Variants in PTTG1 observed in about 807,000 individuals in gnomAD.
PTTG1 encodes PTTG1 regulator of sister chromatid separation, securin.
Under a neutral mutation model 20.0 loss-of-function variants are expected in PTTG1, and 8 were observed. The ratio of observed to expected loss-of-function variants is 0.40; its 90% CI spans 0.23 to 0.72. PTTG1 has a LOEUF of 0.72. Ranked by LOEUF, PTTG1 falls within the 30% of genes least tolerant of loss-of-function variation. The pLI is 0.38. For synonymous variants in PTTG1, 79 were observed against 87.2 expected, an observed-to-expected ratio of 0.91 and a Z score of 0.52; for missense variants, 197 against 236.0, an observed-to-expected ratio of 0.83 and a Z score of 1.08.
chr5:160,421,990 T>G (rs928355266), intron 1 of PTTG1, 99 bp downstream of exon 1: 5 of 192,226 alleles, frequency 2.6e-5, no homozygotes, highest in Non-Finnish European at 5.4e-5. Flanking sequence ...GGGGCTGGGG[T>G]TGGGGGACTG....
At chr5:160,424,407 GA>G in intron 4 of PTTG1, 77 bp downstream of exon 4, 1 of 1,082,834 alleles carries the variant, frequency 9.2e-7, no homozygotes, top group African/African-American at 1.6e-5. Flanking sequence ...AACTTGTTAT[GA>G]ATATAATATA....
At chr5:160,424,090 CATATT>C (rs1765766134) in intron 3 of PTTG1, 142 bp from the exon 4 acceptor site, 1 of 576,944 alleles carries the variant, frequency 1.7e-6, no homozygotes, top group African/African-American at 1.9e-5. Flanking sequence ...ACATTTGAAT[CATATT>C]ATTTGAAGTA....
At chr5:160,422,476 G>T in intron 2 of PTTG1, 73 bp downstream of exon 2, 2 of 1,363,238 alleles carry the variant, frequency 1.5e-6, no homozygotes, top group South Asian at 1.2e-5. Context: ...GACATTTAGT[G>T]TACTTTTTGG....
In PTTG1 at chr5:160,427,835, C is replaced by G; in HGVS notation, c.491C>G (p.Pro164Arg). Reference sequence around the variant, plus strand: ...GAAAAGCTGTTTCAGCTGGGCCCCCCTTCACCTGTGAAGATGCCCTCTCCA... The same window carrying G: ...GAAAAGCTGTTTCAGCTGGGCCCCCGTTCACCTGTGAAGATGCCCTCTCCA... ...ELEKLFQLGP[P>R]SPVKMPSPPW... Residue 164 changes from proline (P) to arginine (R), a missense_variant, in exon 5 of 6, where the codon CCT becomes CGT. Transcript: ENST00000352433. 1 of 1,614,170 alleles carries G rather than the reference C, an allele frequency of 6.2e-7. No individual in the cohort carries two copies. The highest frequency in any genetic ancestry group is 8.5e-7 in the Non-Finnish European group (1 of 1,180,014).
intron 4 of PTTG1, among the ~76,000 whole-genome samples, chr5:160,426,441 C>T (rs561415070): frequency 1.3e-5 from 2 of 152,254 alleles, no homozygotes; most frequent in African/African-American, 4.8e-5. Flanking sequence ...TTTTTTGCCA[C>T]TACACTAAAA....
At chr5:160,425,288 A>G (rs1049762370) in intron 4 of PTTG1, among the ~76,000 whole-genome samples, 1 of 152,224 alleles carries the variant, frequency 6.6e-6, no homozygotes, top group African/African-American at 2.4e-5. Context: ...AGGATTGCTG[A>G]GTTCAAGGGC....
intron 5 of PTTG1, among the ~76,000 whole-genome samples, chr5:160,428,339 A>G (rs917608446): frequency 1.1e-4 from 17 of 152,200 alleles, no homozygotes; most frequent in African/African-American, 3.9e-4. Context: ...ATTTGTCCTA[A>G]TAAGTTACAT....
intron 5 of PTTG1, among the ~76,000 whole-genome samples, chr5:160,428,191 C>T (rs1765845100): frequency 6.6e-6 from 1 of 152,022 alleles, no homozygotes; most frequent in South Asian, 2.1e-4. Context: ...ATGTTATATC[C>T]AAAGCTAATA....
intron 5 of PTTG1, 110 bp downstream of exon 5, chr5:160,427,983 C>T (rs368358512): frequency 3.0e-6 from 4 of 1,324,708 alleles, no homozygotes; most frequent in Non-Finnish European, 2.1e-6. Flanking sequence ...AATTTCTGTC[C>T]TTCAAATGAC....
In PTTG1 at chr5:160,421,900, A is replaced by G. The variant is rs1055942003; in HGVS notation, c.-12+9A>G. 22 of 180,052 alleles carry G rather than the reference A, an allele frequency of 1.2e-4. No individual in the cohort carries two copies. Among genetic ancestry groups the G allele is most frequent in the Non-Finnish European group, 2.0e-4 (17 of 83,634 alleles). 11.2% of individuals were successfully genotyped at this position (180,052 alleles called of 1,614,324 possible). A position where few individuals can be genotyped will look rare whatever the true frequency, so the allele number is the denominator to read the frequency against. On this transcript the variant is annotated intron_variant, in intron 1 of 5. Coordinates refer to ENST00000352433, the MANE Select transcript of PTTG1 (RefSeq NM_004219.4). ...CGGCTGTTAAGACCTGCGTGAGTGA[A>G]TGGGAGGGTCGCGGGTGGTTAGTTG...
intron 4 of PTTG1, among the ~76,000 whole-genome samples, chr5:160,426,599 A>T (rs1765813089): frequency 6.6e-6 from 1 of 152,228 alleles, no homozygotes; most frequent in Admixed American, 6.5e-5. Flanking sequence ...TGCATTGACC[A>T]TTCAGAAATA....
chr5:160,424,406 T>A, intron 4 of PTTG1, 76 bp downstream of exon 4: 1 of 1,090,888 alleles, frequency 9.2e-7, no homozygotes, highest in East Asian at 2.4e-5. Context: ...TAACTTGTTA[T>A]GAATATAATA....
intron 3 of PTTG1, 38 bp from the exon 4 acceptor site, chr5:160,424,199 C>T: frequency 6.9e-7 from 1 of 1,443,950 alleles, no homozygotes; most frequent in East Asian, 2.3e-5. Context: ...AATAAGACTT[C>T]CACTGTCACT....
At chr5:160,424,891 G>C (rs1765779221) in intron 4 of PTTG1, 2 of 152,240 alleles carry the variant, frequency 1.3e-5, no homozygotes, top group African/African-American at 4.8e-5. Context: ...AACAAGATGG[G>C]CCCTGCCTAT....
Position 160,428,582 on chromosome 5 carries a change from AAG to A in PTTG1, c.530-16_530-15del, listed in dbSNP as rs781221897. ...CTCAAGGATTTGCAGAAATTTTAAT[AAG>A]AGATTCCTGTTTTCTAGATCTGTTG... On this transcript the variant is annotated intron_variant, in intron 5 of 5. Coordinates refer to ENST00000352433, the MANE Select transcript of PTTG1 (RefSeq NM_004219.4). 5.0e-6 allele frequency: 8 copies of A among 1,607,500 alleles called. No individual in the cohort carries two copies. The East Asian group carries it at 1.6e-4, about 31-fold the overall frequency.
At chr5:160,427,643 T>A in intron 4 of PTTG1, 72 bp from the exon 5 acceptor site, 1 of 1,522,714 alleles carries the variant, frequency 6.6e-7, no homozygotes, top group African/African-American at 1.4e-5. Context: ...TCAAAGGGTC[T>A]CAGACCACAA....
At chr5:160,427,035 C>T (rs1290939572) in intron 4 of PTTG1, among the ~76,000 whole-genome samples, 2 of 150,988 alleles carry the variant, frequency 1.3e-5, no homozygotes, top group Admixed American at 1.3e-4. Context: ...GAGTGAGACT[C>T]TGTCTCAAAA....
chr5:160,427,574 A>G lies in PTTG1; in HGVS notation c.371-141A>G, dbSNP rs575104224. 6 of 953,672 alleles carry G rather than the reference A, an allele frequency of 6.3e-6. No individual in the cohort carries two copies. The East Asian group carries it at 7.9e-5, about 12-fold the overall frequency. The allele number at this position is 953,672 out of a possible 1,614,324, so 59.1% of individuals were successfully genotyped here. A position where few individuals can be genotyped will look rare whatever the true frequency, so the allele number is the denominator to read the frequency against. On this transcript the variant is annotated intron_variant, in intron 4 of 5. Coordinates refer to ENST00000352433, the MANE Select transcript of PTTG1 (RefSeq NM_004219.4). ...CTTGGTACCATCATTACAAATGTCAACCCAGTGGAAAAAGGTGTGAATATT... is the reference window on the plus strand; with the variant it reads ...CTTGGTACCATCATTACAAATGTCAGCCCAGTGGAAAAAGGTGTGAATATT...
At chr5:160,422,970 A>G in intron 3 of PTTG1, 77 bp downstream of exon 3, 1 of 1,470,548 alleles carries the variant, frequency 6.8e-7, no homozygotes, top group South Asian at 1.2e-5. Flanking sequence ...GCATCATCCT[A>G]CGTAGCTTTC....
Sources: gnomAD v4.1 joint callset for allele counts (sites outside exome capture counted in the v4.1 genomes callset) on GRCh38, gnomAD v4.1.1 for gene constraint, MANE v1.5 for transcripts, NCBI Gene and HGNC (gene_info 2026-07-23, HGNC 2026-07-21) for gene names.